The following KNOP1 variants were observed in gnomAD, a reference collection of about 807,000 sequenced individuals.
The protein encoded by KNOP1 is lysine-rich nucleolar protein 1.
Under a neutral mutation model 30.6 loss-of-function variants are expected in KNOP1, and 20 were observed. That is an observed-to-expected ratio of 0.65 (90% confidence interval 0.46 to 0.95). The LOEUF (loss-of-function observed/expected upper bound fraction) is 0.95. Ranked by LOEUF, KNOP1 falls within the 40% of genes least tolerant of loss-of-function variation. KNOP1 has a pLI of 0.00. For synonymous variants in KNOP1, 204 were observed against 210.0 expected (o/e 0.97, Z 0.25); for missense variants, 540 against 562.0 (o/e 0.96, Z 0.40).
At chr16:19,710,231 A>T in intron 4 of KNOP1, 1 of 525,168 alleles carries the variant, frequency 1.9e-6, no homozygotes, top group Non-Finnish European at 3.4e-6. Flanking sequence ...TCAGTGATTA[A>T]TCCTTAGGAC....
Position 19,715,029 on chromosome 16 carries a change from T to C in KNOP1, c.7A>G (p.Thr3Ala), listed in dbSNP as rs763570046. 1.3e-6 allele frequency: 2 copies of C among 1,551,468 alleles called. No individual in the cohort carries two copies. The highest frequency in any genetic ancestry group is 1.7e-4 in the Middle Eastern group (1 of 5,778). ...CCAAGGTCTACTTTGTGTGTCTTGG[T>C]GATCATTCCTGAAAAAACAAATGGT... MI[T>A]KTHKVDLGLP... is the part of the protein sequence containing the mutation. The change falls in exon 2 of 5, where the codon ACC becomes GCC. Residue 3 changes from threonine to alanine, a missense_variant. By Grantham distance (58) the Thr-to-Ala change is moderately conservative. Coordinates refer to ENST00000219837, the MANE Select transcript of KNOP1 (RefSeq NM_001012991.3).
intron 3 of KNOP1, 82 bp from the exon 4 acceptor site, chr16:19,710,668 G>C: frequency 8.5e-7 from 1 of 1,172,486 alleles, no homozygotes; most frequent in Non-Finnish European, 1.3e-6. Context: ...GACGGGGCTG[G>C]GGGAACGGAA....
At chr16:19,711,801 G>A (rs189624524) in intron 2 of KNOP1, 85 of 308,360 alleles carry the variant, frequency 2.8e-4, no homozygotes, top group African/African-American at 1.7e-3. Context: ...TACCTCCTAC[G>A]GTGACACCAA....
At chr16:19,707,885 T>C (rs1382702157) in intron 4 of KNOP1, among the ~76,000 whole-genome samples, 3 of 4,186 alleles carry the variant, frequency 7.2e-4, no homozygotes, top group Non-Finnish European at 9.1e-4. Flanking sequence ...CACATCGCAC[T>C]CCCCCCACCT....
chr16:19,714,334 G>C lies in KNOP1; in HGVS notation c.702C>G (p.Ser234=). 6.2e-7 allele frequency: 1 copy of C among 1,613,920 alleles called. No individual in the cohort carries two copies. The highest frequency in any genetic ancestry group is 8.5e-7 in the Non-Finnish European group (1 of 1,179,948). Residue 234 remains serine (S), a synonymous_variant, in exon 2 of 5, where the codon TCC becomes TCG. Transcript: ENST00000219837. The stretch of plus-strand genomic sequence containing the variant: ...TTCCTTTCCTAGGGCTGCTCTCCAT[G>C]GACCTGGAGGGCTTGGAGTGGCCTG... ...ALPGHSKPSR[S]MESSPRKGSK...
intron 1 of KNOP1, 80 bp downstream of exon 1, chr16:19,718,078 C>T: frequency 7.0e-7 from 1 of 1,425,614 alleles, no homozygotes; most frequent in Non-Finnish European, 9.1e-7. Context: ...CGCATTTCCC[C>T]ATCTTCCCCG....
At chr16:19,714,010 A>G in intron 2 of KNOP1, 108 bp downstream of exon 2, 1 of 959,020 alleles carries the variant, frequency 1.0e-6, no homozygotes, top group Non-Finnish European at 1.6e-6. Flanking sequence ...TTTAGCTAAA[A>G]GCATGAGTAC....
At chr16:19,713,599 A>G (rs1430798195) in intron 2 of KNOP1, among the ~76,000 whole-genome samples, 5 of 152,180 alleles carry the variant, frequency 3.3e-5, no homozygotes, top group Non-Finnish European at 5.9e-5. Flanking sequence ...ATAAACCAAG[A>G]TAGAAAAATA....
At chr16:19,710,683 G>A (rs1453020153) in intron 3 of KNOP1, 97 bp from the exon 4 acceptor site, 1 of 923,348 alleles carries the variant, frequency 1.1e-6, no homozygotes, top group Non-Finnish European at 1.8e-6. Flanking sequence ...ACGGAACGTG[G>A]GAGGAACTAA....
intron 1 of KNOP1, 157 bp downstream of exon 1, chr16:19,718,001 G>A: frequency 7.6e-7 from 1 of 1,323,836 alleles, no homozygotes; most frequent in East Asian, 3.6e-5. Flanking sequence ...CTTTCTGGAG[G>A]CGGCGGCCTC....
At position 19,718,169 on chromosome 16, in the gene KNOP1, AT is replaced by A; in HGVS notation, c.-15del. ...GCCCTGGCACTCACCGGTGGGCGAA[AT>A]TTCCCCGCCTCCACGTGAGAGCCAG... On this transcript the variant is annotated 5_prime_UTR_variant, in exon 1 of 5. Transcript: ENST00000219837. 26 of 1,478,002 alleles carry A rather than the reference AT, an allele frequency of 1.8e-5. No homozygotes were observed. Among genetic ancestry groups the A allele is most frequent in the Middle Eastern group, 4.9e-4 (2 of 4,060 alleles). 91.6% of individuals were successfully genotyped at this position (1,478,002 alleles called of 1,614,324 possible).
intron 1 of KNOP1, among the ~76,000 whole-genome samples, chr16:19,715,729 C>G (rs1482920413): frequency 6.6e-6 from 1 of 152,078 alleles, no homozygotes; most frequent in African/African-American, 2.4e-5. Flanking sequence ...CCTAGTTCCA[C>G]TGTTTTTAAA....
At chr16:19,713,392 C>T (rs1976818897) in intron 2 of KNOP1, among the ~76,000 whole-genome samples, 1 of 152,184 alleles carries the variant, frequency 6.6e-6, no homozygotes, top group Non-Finnish European at 1.5e-5. Context: ...CGCACCCGGC[C>T]ACCTTTGGTT....
chr16:19,711,995 C>G (rs1976745635), intron 2 of KNOP1: 1 of 156,538 alleles, frequency 6.4e-6, no homozygotes, highest in African/African-American at 2.4e-5. Context: ...TGGCACCTAG[C>G]GTCACGTGTG....
chr16:19,710,456 C>T (rs752949414), intron 4 of KNOP1, 53 bp downstream of exon 4: 32 of 1,567,956 alleles, frequency 2.0e-5, no homozygotes, highest in Non-Finnish European at 1.7e-5. Flanking sequence ...CGAGGGGAAG[C>T]GTCGGGAGGC....
In KNOP1 at chr16:19,706,840, T is replaced by G; in HGVS notation, c.*70A>C. The G allele has an allele frequency of 2.0e-6, 3 of 1,529,680 alleles. No individual in the cohort carries two copies. Among genetic ancestry groups the G allele is most frequent in the Non-Finnish European group, 1.8e-6 (2 of 1,129,074 alleles). 94.8% of individuals were successfully genotyped at this position (1,529,680 alleles called of 1,614,324 possible). A position where few individuals can be genotyped will look rare whatever the true frequency, so the allele number is the denominator to read the frequency against. Reference sequence around the variant, plus strand: ...GATCTGATTTTTTCACAAAAAAAATTTGTAATCTCCAGCATAAATGGAATA... The same window carrying G: ...GATCTGATTTTTTCACAAAAAAAATGTGTAATCTCCAGCATAAATGGAATA... On this transcript the variant is annotated 3_prime_UTR_variant, in exon 5 of 5. Transcript: ENST00000219837.
At position 19,714,522 on chromosome 16, in the gene KNOP1, A is replaced by G; in HGVS notation, c.514T>C (p.Cys172Arg). The change falls in exon 2 of 5, where the codon TGT (cysteine) becomes CGT (arginine). Residue 172 changes from cysteine to arginine, a missense_variant. Transcript: ENST00000219837. ...ACATCCCTGGCCTCCCTGGCCTCAC[A>G]GAACCAAGGGTCCTGGACCGAGAAG... ...TAFSVQDPWF[C>R]EAREARDVGD... 3 of 1,614,038 alleles carry G rather than the reference A, an allele frequency of 1.9e-6. No individual in the cohort carries two copies. Among genetic ancestry groups the G allele is most frequent in the Non-Finnish European group, 2.5e-6 (3 of 1,179,982 alleles).
At chr16:19,708,808 AGAGT>A (rs1315082235) in intron 4 of KNOP1, among the ~76,000 whole-genome samples, 7 of 152,176 alleles carry the variant, frequency 4.6e-5, no homozygotes, top group African/African-American at 1.4e-4. Flanking sequence ...TGCAGTTTCT[AGAGT>A]GAGAGGCCAT....
At chr16:19,718,110 A>G (rs1977294588) in intron 1 of KNOP1, 48 bp downstream of exon 1, 1 of 1,437,870 alleles carries the variant, frequency 7.0e-7, no homozygotes, top group African/African-American at 1.4e-5. Flanking sequence ...CTCTGGTGCA[A>G]TCTCCACACC....
Sources: allele counts gnomAD v4.1 joint callset (sites outside exome capture counted in the v4.1 genomes callset), GRCh38; gene constraint gnomAD v4.1.1; transcripts MANE v1.5; gene names NCBI Gene and HGNC (gene_info 2026-07-23, HGNC 2026-07-21).